LRIG1: variants seen among roughly 807,000 people sequenced by gnomAD.
The protein encoded by LRIG1 is leucine-rich repeats and immunoglobulin-like domains protein 1.
Under a neutral mutation model 99.2 loss-of-function variants are expected in LRIG1, and 48 were observed. The observed-to-expected ratio is 0.48, with a 90% CI of 0.38 to 0.62. LRIG1 has a LOEUF of 0.62. Among genes scored for constraint, LRIG1 ranks in the 20% least tolerant of loss-of-function variants. The pLI is 0.00. For missense variants in LRIG1, 1,646 were observed against 1,434.4 expected, an observed-to-expected ratio of 1.15 and a Z score of -2.38; for synonymous variants, 772 against 596.1, an observed-to-expected ratio of 1.29 and a Z score of -4.30.
intron 3 of LRIG1, among the ~76,000 whole-genome samples, chr3:66,449,751 G>C (rs1205879790): frequency 1.3e-5 from 2 of 152,146 alleles, no homozygotes; most frequent in African/African-American, 4.8e-5. Flanking sequence ...AAGACCTCCA[G>C]GGAGGCTCAG....
chr3:66,485,201 A>G (rs1236970113), intron 1 of LRIG1, among the ~76,000 whole-genome samples: 3 of 151,842 alleles, frequency 2.0e-5, no homozygotes, highest in Admixed American at 1.3e-4. Context: ...ATTATTGATA[A>G]ATTCCACCTT....
chr3:66,389,063 G>A (rs898007595), intron 12 of LRIG1, among the ~76,000 whole-genome samples: 11 of 152,156 alleles, frequency 7.2e-5, no homozygotes, highest in Non-Finnish European at 1.5e-5. Context: ...TAATGAAAAT[G>A]TAATGTGTAC....
intron 3 of LRIG1, among the ~76,000 whole-genome samples, chr3:66,440,524 G>A (rs901796765): frequency 6.6e-6 from 1 of 152,152 alleles, no homozygotes; most frequent in Non-Finnish European, 1.5e-5. Context: ...AGCCATGATG[G>A]ATATCTGCAA....
intron 12 of LRIG1, among the ~76,000 whole-genome samples, chr3:66,389,828 C>T (rs143428620): frequency 5.9e-5 from 9 of 152,100 alleles, no homozygotes; most frequent in African/African-American, 1.9e-4. Context: ...CATGGAAAAC[C>T]GAATTATAAA....
At chr3:66,406,661 G>A (rs960862434) in intron 8 of LRIG1, among the ~76,000 whole-genome samples, 1 of 152,176 alleles carries the variant, frequency 6.6e-6, no homozygotes, top group South Asian at 2.1e-4. Flanking sequence ...ACAGCTGCTT[G>A]GAAGTTCTAT....
Position 66,474,347 on chromosome 3 carries a change from C to CT in LRIG1, c.219-11839dup, listed in dbSNP as rs58012350. ...CTCTTCCACAAGGTCCATCTACGTT[C>CT]TTTTTTTTTTTTTTTGAAATGGAGT... On this transcript the variant is annotated intron_variant, in intron 1 of 18. Coordinates refer to ENST00000273261, the MANE Select transcript of LRIG1 (RefSeq NM_015541.3). Among the ~76,000 whole-genome samples the CT allele has an allele frequency of 6.4e-3, 894 of 140,660 alleles. 4 individuals are homozygous for CT. Among genetic ancestry groups the CT allele is most frequent in the African/African-American group, 0.017 (653 of 38,726 alleles). 92.3% of individuals were successfully genotyped at this position (140,660 alleles called of 152,430 possible). A position where few individuals can be genotyped will look rare whatever the true frequency, so the allele number is the denominator to read the frequency against.
intron 9 of LRIG1, among the ~76,000 whole-genome samples, chr3:66,400,546 G>C (rs1283093607): frequency 6.6e-6 from 1 of 152,104 alleles, no homozygotes; most frequent in African/African-American, 2.4e-5. Flanking sequence ...GTGCAGGTGG[G>C]CAGGAGAGGA....
chr3:66,381,687 C>T (rs1482557784), intron 16 of LRIG1, 56 bp from the exon 17 acceptor site: 1 of 1,577,546 alleles, frequency 6.3e-7, no homozygotes, highest in African/African-American at 1.4e-5. Flanking sequence ...TCACAGTAAG[C>T]CTTATGAAAG....
At chr3:66,464,477 T>G (rs1056506582) in intron 1 of LRIG1, among the ~76,000 whole-genome samples, 12 of 149,490 alleles carry the variant, frequency 8.0e-5, no homozygotes, top group Non-Finnish European at 1.2e-4. Flanking sequence ...CATGTTTTGT[T>G]TGGCCCATTC....
At chr3:66,462,104 C>T (rs1700368224) in intron 2 of LRIG1, among the ~76,000 whole-genome samples, 1 of 152,118 alleles carries the variant, frequency 6.6e-6, no homozygotes, top group Non-Finnish European at 1.5e-5. Flanking sequence ...ATTAGCTGGG[C>T]GTGGTGGTGC....
intron 1 of LRIG1, among the ~76,000 whole-genome samples, chr3:66,477,302 C>T (rs954132341): frequency 1.3e-5 from 2 of 152,196 alleles, no homozygotes; most frequent in African/African-American, 4.8e-5. Flanking sequence ...TTTCTTGAGC[C>T]AGACACACCA....
intron 5 of LRIG1, 57 bp downstream of exon 5, chr3:66,414,863 A>T: frequency 6.7e-7 from 1 of 1,484,238 alleles, no homozygotes; most frequent in Non-Finnish European, 9.0e-7. Flanking sequence ...CCTTGGGGAA[A>T]TCTGGCCTCC....
chr3:66,410,394 A>G (rs1284056993), intron 6 of LRIG1, 122 bp from the exon 7 acceptor site: 1 of 930,440 alleles, frequency 1.1e-6, no homozygotes, highest in Non-Finnish European at 1.6e-6. Flanking sequence ...ACAGTGCACG[A>G]CAGAACTGTG....
chr3:66,453,194 G>T (rs910142510), intron 2 of LRIG1, among the ~76,000 whole-genome samples: 1 of 152,196 alleles, frequency 6.6e-6, no homozygotes, highest in African/African-American at 2.4e-5. Flanking sequence ...AAAAACTAAG[G>T]TCGGGGACCT....
chr3:66,462,564 G>A (rs1039081843), intron 1 of LRIG1, 55 bp from the exon 2 acceptor site: 34 of 1,250,714 alleles, frequency 2.7e-5, no homozygotes, highest in Middle Eastern at 1.9e-4. Flanking sequence ...ATCATACCCA[G>A]AATTCAGAAA....
chr3:66,380,932 C>T, intron 17 of LRIG1, 71 bp from the exon 18 acceptor site: 1 of 1,506,642 alleles, frequency 6.6e-7, no homozygotes. Context: ...AGAGGACAGG[C>T]TGCTCAGCTC....
intron 1 of LRIG1, among the ~76,000 whole-genome samples, chr3:66,499,270 T>C (rs951238359): frequency 6.6e-6 from 1 of 152,212 alleles, no homozygotes; most frequent in Non-Finnish European, 1.5e-5. Flanking sequence ...TAAGTCCTAA[T>C]AAGCCCACAT....
At chr3:66,434,733 C>T (rs201197565) in intron 3 of LRIG1, among the ~76,000 whole-genome samples, 2 of 144,036 alleles carry the variant, frequency 1.4e-5, no homozygotes, top group African/African-American at 5.2e-5. Flanking sequence ...AGCAACAGAG[C>T]GAGACTCTGT....
At chr3:66,440,899 G>A (rs1034550853) in intron 3 of LRIG1, among the ~76,000 whole-genome samples, 2 of 152,178 alleles carry the variant, frequency 1.3e-5, no homozygotes, top group South Asian at 2.1e-4. Flanking sequence ...AGATCTGATG[G>A]ATACAGAGCC....
Sources: gnomAD v4.1 joint callset for allele counts (sites outside exome capture counted in the v4.1 genomes callset) on GRCh38, gnomAD v4.1.1 for gene constraint, MANE v1.5 for transcripts, NCBI Gene and HGNC (gene_info 2026-07-23, HGNC 2026-07-21) for gene names.